ZNF385D: variants seen among roughly 807,000 people sequenced by gnomAD.
ZNF385D encodes the protein zinc finger protein 659.
Under a neutral mutation model 35.8 loss-of-function variants are expected in ZNF385D, and 15 were observed. That is an observed-to-expected ratio of 0.42 (90% CI 0.28 to 0.64). The LOEUF is 0.64. ZNF385D is among the 30% of genes least tolerant of loss of function. The probability of loss-of-function intolerance (pLI) is 0.23; values close to 1 mark genes in which losing one functional copy is unlikely to be tolerated. For missense variants in ZNF385D, 474 were observed against 494.6 expected (o/e 0.96, Z 0.39); for synonymous variants, 212 against 186.8 (o/e 1.13, Z -1.10).
chr3:21,870,188 T>C (rs1468836224), intron 3 of ZNF385D, among the ~76,000 whole-genome samples: 1 of 152,206 alleles, frequency 6.6e-6, no homozygotes, highest in Non-Finnish European at 1.5e-5. Flanking sequence ...TCTATGTTCT[T>C]CCTGACCAAT....
chr3:21,608,384 TA>T (rs1465750373), intron 2 of ZNF385D, among the ~76,000 whole-genome samples: 1 of 152,164 alleles, frequency 6.6e-6, no homozygotes, highest in Non-Finnish European at 1.5e-5. Flanking sequence ...TACTAAACCA[TA>T]AGCATTAAGG....
At chr3:21,770,195 A>C (rs993432580) in intron 3 of ZNF385D, among the ~76,000 whole-genome samples, 3 of 152,182 alleles carry the variant, frequency 2.0e-5, no homozygotes, top group African/African-American at 4.8e-5. Context: ...TTCATGTCTA[A>C]AACACCAAAA....
At chr3:21,542,077 A>C (rs1318544290) in intron 3 of ZNF385D, among the ~76,000 whole-genome samples, 1 of 152,108 alleles carries the variant, frequency 6.6e-6, no homozygotes, top group Non-Finnish European at 1.5e-5. Context: ...ATAAACTAAA[A>C]CTCGGAGGCT....
intron 3 of ZNF385D, among the ~76,000 whole-genome samples, chr3:21,979,305 C>G (rs1238058608): frequency 6.6e-6 from 1 of 152,066 alleles, no homozygotes; most frequent in African/African-American, 2.4e-5. Flanking sequence ...ATATTTAACC[C>G]CACATGTCAC....
chr3:21,876,867 C>A (rs903951635), intron 3 of ZNF385D, among the ~76,000 whole-genome samples: 1 of 152,164 alleles, frequency 6.6e-6, no homozygotes, highest in Non-Finnish European at 1.5e-5. Flanking sequence ...TCTCTAATTG[C>A]TTTCTTTAGG....
At chr3:22,046,855 T>A (rs1027681992) in intron 3 of ZNF385D, among the ~76,000 whole-genome samples, 1 of 152,118 alleles carries the variant, frequency 6.6e-6, no homozygotes, top group African/African-American at 2.4e-5. Flanking sequence ...AAATGTGGAA[T>A]TCATTTCATC....
At chr3:21,504,090 A>G (rs1165958572) in intron 4 of ZNF385D, among the ~76,000 whole-genome samples, 2 of 152,300 alleles carry the variant, frequency 1.3e-5, no homozygotes, top group East Asian at 3.9e-4. Flanking sequence ...GACGTGATAA[A>G]GAGAATTATG....
chr3:21,917,300 G>T (rs7646975), intron 3 of ZNF385D, among the ~76,000 whole-genome samples: 81,328 of 151,882 alleles, frequency 0.54, 23,830 homozygotes, highest in South Asian at 0.66. Flanking sequence ...GATGTGGTGC[G>T]GCACTCCTGT....
intron 2 of ZNF385D, among the ~76,000 whole-genome samples, chr3:22,364,443 T>A (rs139977867): frequency 8.4e-4 from 128 of 152,136 alleles, no homozygotes; most frequent in African/African-American, 3.0e-3. Flanking sequence ...GCAAAGGACT[T>A]GACTAAATAT....
chr3:21,936,016 G>C (rs188397478), intron 3 of ZNF385D, among the ~76,000 whole-genome samples: 2 of 152,198 alleles, frequency 1.3e-5, no homozygotes, highest in Admixed American at 6.5e-5. Flanking sequence ...GAAGATGAAA[G>C]CCATTTCATC....
At chr3:21,441,687 T>A in intron 4 of ZNF385D, 1 of 985,320 alleles carries the variant, frequency 1.0e-6, no homozygotes, top group African/African-American at 1.7e-5. Flanking sequence ...TCAACTAACC[T>A]CTTGTGCAGA....
chr3:22,143,060 TG>T (rs1704619308), intron 3 of ZNF385D, among the ~76,000 whole-genome samples: 1 of 3,048 alleles, frequency 3.3e-4, no homozygotes, highest in South Asian at 0.013. Context: ...TTAAATCGGT[TG>T]TGTGTGTGTG....
At chr3:21,493,145 C>A (rs545606216) in intron 4 of ZNF385D, among the ~76,000 whole-genome samples, 1 of 152,092 alleles carries the variant, frequency 6.6e-6, no homozygotes, top group South Asian at 2.1e-4. Context: ...CTGACTAGGA[C>A]ACAAAAATTG....
intron 2 of ZNF385D, among the ~76,000 whole-genome samples, chr3:21,600,013 C>G (rs2064236069): frequency 6.6e-6 from 1 of 152,198 alleles, no homozygotes; most frequent in South Asian, 2.1e-4. Context: ...AAAACGAAAA[C>G]CAAGATGGCC....
chr3:21,447,216 C>A (rs1297575446), intron 4 of ZNF385D, among the ~76,000 whole-genome samples: 1 of 151,804 alleles, frequency 6.6e-6, no homozygotes, highest in African/African-American at 2.4e-5. Context: ...ATAAATATTA[C>A]GAAAGGGAAA....
chr3:21,521,390 G>A, intron 3 of ZNF385D, among the ~76,000 whole-genome samples: 1 of 152,178 alleles, frequency 6.6e-6, no homozygotes, highest in East Asian at 1.9e-4. Flanking sequence ...CACACCAGAT[G>A]CTCTTGTAGG....
chr3:21,530,985 A>G (rs759696000), intron 3 of ZNF385D, among the ~76,000 whole-genome samples: 3 of 152,144 alleles, frequency 2.0e-5, no homozygotes, highest in African/African-American at 4.8e-5. Context: ...AGAAAAAAAA[A>G]TTGACCTGAG....
chr3:22,273,082 A>G (rs544533006), intron 2 of ZNF385D, among the ~76,000 whole-genome samples: 1 of 152,152 alleles, frequency 6.6e-6, no homozygotes, highest in South Asian at 2.1e-4. Flanking sequence ...GAGAGAAAAA[A>G]AAGAGAAAAT....
At chr3:22,366,204 C>T (rs527664910) in intron 2 of ZNF385D, among the ~76,000 whole-genome samples, 55 of 152,110 alleles carry the variant, frequency 3.6e-4, no homozygotes, top group Admixed American at 1.7e-3. Flanking sequence ...TACTTCCTTG[C>T]CCCTAAAATG....
Sources: gnomAD v4.1 joint callset for allele counts (sites outside exome capture counted in the v4.1 genomes callset) on GRCh38, gnomAD v4.1.1 for gene constraint, MANE v1.5 for transcripts, NCBI Gene and HGNC (gene_info 2026-07-23, HGNC 2026-07-21) for gene names.